The following MKRN2 variants were observed in gnomAD, a reference collection of about 807,000 sequenced individuals.
MKRN2 encodes the protein E3 ubiquitin-protein ligase makorin-2.
Under a neutral mutation model 45.4 loss-of-function variants are expected in MKRN2, and 32 were observed. That is an observed-to-expected ratio of 0.70 (90% CI 0.53 to 0.95). MKRN2 has a LOEUF of 0.95. Ranked by LOEUF, MKRN2 falls within the 40% of genes least tolerant of loss-of-function variation. MKRN2 has a pLI of 0.00. For missense variants in MKRN2, 526 were observed against 536.7 expected (o/e 0.98, Z 0.20); for synonymous variants, 206 against 192.4 (o/e 1.07, Z -0.59).
In MKRN2 at chr3:12,576,189, ATGTGTGTGTGTG is replaced by A. The variant is rs59197804; in HGVS notation, c.858-412_858-401del. Among the ~76,000 whole-genome samples the A allele has an allele frequency of 4.3e-3, 617 of 143,312 alleles. 3 individuals are homozygous for A. The highest frequency in any genetic ancestry group is 0.014 in the African/African-American group (548 of 38,760). The allele number at this position is 143,312 out of a possible 152,430, so 94.0% of individuals were successfully genotyped here. On this transcript the variant is annotated intron_variant, in intron 5 of 7. Transcript: ENST00000170447. ...GTCTTTTTTGTTGAGGAAACCATAT[ATGTGTGTGTGTG>A]TGTGTGTGTGTGTGTGTGTGTGTGT... is the stretch of plus-strand genomic sequence containing the variant.
At position 12,572,710 on chromosome 3, in the gene MKRN2, G is replaced by A. The variant is rs191271982; in HGVS notation, c.642+337G>A. On this transcript the variant is annotated intron_variant, in intron 4 of 7. Coordinates refer to ENST00000170447, the MANE Select transcript of MKRN2 (RefSeq NM_014160.5). ...GTGATCCTCCTGCCTCAGCCCCACCGAGTAGCTGGGATTACAGGCGCCCAC... is the reference window on the plus strand; with the variant it reads ...GTGATCCTCCTGCCTCAGCCCCACCAAGTAGCTGGGATTACAGGCGCCCAC... 4.2e-4 allele frequency among the ~76,000 whole-genome samples: 63 copies of A among 151,624 alleles called. 1 individual carries two copies. Among genetic ancestry groups the A allele is most frequent in the African/African-American group, 8.2e-4 (34 of 41,280 alleles).
Position 12,576,684 on chromosome 3 carries a change from G to A in MKRN2, c.911G>A (p.Trp304Ter). The part of the protein sequence containing the change: ...ISEFVIPSVY[W>*]VEDQNKKNEL... ...GAGTTTGTAATTCCAAGTGTGTATT[G>A]GGTGGAAGATCAGAATAAAAAGAAC... The change falls in exon 6 of 8, where the codon TGG becomes TAG. Residue 304 changes from tryptophan (W) to a stop codon, truncating the protein, a stop_gained. Transcript: ENST00000170447. LOFTEE classifies it high-confidence loss of function. 1 of 1,610,606 alleles carries A rather than the reference G, an allele frequency of 6.2e-7. No homozygotes were observed. The highest frequency in any genetic ancestry group is 2.2e-5 in the East Asian group (1 of 44,824).
chr3:12,563,364 C>A (rs78898469), intron 1 of MKRN2, among the ~76,000 whole-genome samples: 4,721 of 152,030 alleles, frequency 0.031, 242 homozygotes, highest in African/African-American at 0.11. Context: ...TCAGAGGTTT[C>A]TGATTGGGGC....
In MKRN2 at chr3:12,572,085, T is replaced by C. The variant is rs2058102933; in HGVS notation, c.354T>C (p.Ala118=). 3 of 1,608,506 alleles carry C rather than the reference T, an allele frequency of 1.9e-6. No individual in the cohort carries two copies. The highest frequency in any genetic ancestry group is 2.5e-6 in the Non-Finnish European group (3 of 1,176,622). The change falls in exon 4 of 8, where the codon GCT becomes GCC. Residue 118 remains alanine, a synonymous_variant. Transcript: ENST00000170447. ...TGTTTTCAGATCTCTCTGGCATGGC[T>C]GAAAGGAAGACCCAGCCGAGCATGG... ...VLRDRNLSGM[A]ERKTQPSMVS... is the part of the protein sequence containing the mutation.
chr3:12,578,308 ACTT>A (rs1464164647), intron 6 of MKRN2, among the ~76,000 whole-genome samples: 1 of 135,006 alleles, frequency 7.4e-6, no homozygotes, highest in South Asian at 2.3e-4. Context: ...GATAAGAGCT[ACTT>A]CTTTTTTTTT....
chr3:12,572,317 T>C lies in MKRN2; in HGVS notation c.586T>C (p.Cys196Arg). Residue 196 changes from cysteine to arginine, a missense_variant, in exon 4 of 8, where the codon TGT becomes CGT. Transcript: ENST00000170447. ...VYLHGEVCEI[C>R]RLQVLHPFDP... The stretch of plus-strand genomic sequence containing the variant: ...CCTGCACGGGGAGGTGTGTGAAATC[T>C]GTAGGCTGCAAGTCTTGCACCCATT... 1 of 1,610,600 alleles carries C rather than the reference T, an allele frequency of 6.2e-7. No individual in the cohort carries two copies. The highest frequency in any genetic ancestry group is 8.5e-7 in the Non-Finnish European group (1 of 1,177,280).
chr3:12,568,599 T>C (rs1413004610), intron 1 of MKRN2, among the ~76,000 whole-genome samples: 1 of 152,236 alleles, frequency 6.6e-6, no homozygotes, highest in African/African-American at 2.4e-5. Context: ...GTGGCTCACA[T>C]TGAACATATC....
chr3:12,576,352 A>G (rs532226188), intron 5 of MKRN2, among the ~76,000 whole-genome samples: 1 of 152,146 alleles, frequency 6.6e-6, no homozygotes, highest in East Asian at 1.9e-4. Context: ...TCAGCCATGC[A>G]TGCATTAGCT....
chr3:12,569,447 A>G (rs1446233923), intron 2 of MKRN2, among the ~76,000 whole-genome samples: 2 of 152,042 alleles, frequency 1.3e-5, no homozygotes, highest in African/African-American at 4.8e-5. Flanking sequence ...GGCGTGAGCC[A>G]CCGTGCCTGG....
At chr3:12,580,438 C>T (rs1214104136) in intron 6 of MKRN2, among the ~76,000 whole-genome samples, 14 of 149,236 alleles carry the variant, frequency 9.4e-5, no homozygotes, top group African/African-American at 2.7e-4. Flanking sequence ...GTTCTCTCTC[C>T]CCCCACCCTA....
At chr3:12,576,931 G>GTGTTTTTTTTTTTTTTTTT (rs2058141987) in intron 6 of MKRN2, 190 bp downstream of exon 6, 1 of 124,118 alleles carries the variant, frequency 8.1e-6, no homozygotes, top group Non-Finnish European at 1.5e-5. Context: ...TTTAGTTTTG[G>GTGTTTTTTTTTTTTTTTTT]TGTTTTTTTT....
chr3:12,570,048 C>T (rs2058089246), intron 2 of MKRN2, 23 bp from the exon 3 acceptor site: 7 of 1,576,620 alleles, frequency 4.4e-6, no homozygotes, highest in Non-Finnish European at 6.0e-6. Context: ...GTCTGTAATG[C>T]ATCTGCTGTG....
At chr3:12,576,160 A>G (rs2058134520) in intron 5 of MKRN2, among the ~76,000 whole-genome samples, 1 of 148,792 alleles carries the variant, frequency 6.7e-6, no homozygotes, top group Non-Finnish European at 1.5e-5. Flanking sequence ...GGGTTATTTC[A>G]TCTGTCTTTT....
At chr3:12,577,551 T>G (rs2058149428) in intron 6 of MKRN2, among the ~76,000 whole-genome samples, 1 of 152,252 alleles carries the variant, frequency 6.6e-6, no homozygotes, top group Middle Eastern at 3.2e-3. Context: ...CTCTGTTGTC[T>G]TTTAAGAATG....
At chr3:12,572,736 C>G (rs933824805) in intron 4 of MKRN2, among the ~76,000 whole-genome samples, 1 of 151,944 alleles carries the variant, frequency 6.6e-6, no homozygotes, top group African/African-American at 2.4e-5. Flanking sequence ...AGGCGCCCAC[C>G]ACCACACCCG....
chr3:12,569,319 ATT>A (rs5846777), intron 2 of MKRN2, among the ~76,000 whole-genome samples: 2 of 141,148 alleles, frequency 1.4e-5, no homozygotes, highest in Non-Finnish European at 1.5e-5. Context: ...CGCCTGGCTG[ATT>A]TTTTTTTTTT....
chr3:12,557,204 G>T, intron 1 of MKRN2, 28 bp downstream of exon 1: 2 of 1,532,512 alleles, frequency 1.3e-6, no homozygotes. Flanking sequence ...AGGAGCTTCG[G>T]GCCGCTCCCC....
Position 12,568,881 on chromosome 3 carries a change from T to C in MKRN2, c.33T>C (p.Phe11=), listed in dbSNP as rs1300548285. 3 of 1,612,584 alleles carry C rather than the reference T, an allele frequency of 1.9e-6. No individual in the cohort carries two copies. Among genetic ancestry groups the C allele is most frequent in the South Asian group, 1.1e-5 (1 of 90,602 alleles). Reference sequence around the variant, plus strand: ...CCTGTGCTTGTCTCTGCAGGTATTTTATGCATGGTGTGTGTCGGGAAGGAA... The same window carrying C: ...CCTGTGCTTGTCTCTGCAGGTATTTCATGCATGGTGTGTGTCGGGAAGGAA... The part of the protein sequence containing the change: MSTKQITCRY[F]MHGVCREGSQ... Residue 11 remains phenylalanine, a synonymous_variant, in exon 2 of 8, where the codon TTT becomes TTC. Transcript: ENST00000170447.
chr3:12,576,531 A>G, intron 5 of MKRN2, 100 bp from the exon 6 acceptor site: 1 of 707,090 alleles, frequency 1.4e-6, no homozygotes. Flanking sequence ...GGTGAAGGAA[A>G]TGCCTGTAGT....
Sources: gnomAD v4.1 joint callset for allele counts (sites outside exome capture counted in the v4.1 genomes callset) on GRCh38, gnomAD v4.1.1 for gene constraint, MANE v1.5 for transcripts, NCBI Gene and HGNC (gene_info 2026-07-23, HGNC 2026-07-21) for gene names.